PCDHA2: variants seen among roughly 807,000 people sequenced by gnomAD.
The protein encoded by PCDHA2 is protocadherin alpha 2, also known as protocadherin alpha-2.
Under a neutral mutation model 66.0 loss-of-function variants are expected in PCDHA2, and 58 were observed. The ratio of observed to expected loss-of-function variants is 0.88; its 90% confidence interval spans 0.71 to 1.09. The LOEUF is 1.09. Ranked by LOEUF, PCDHA2 falls within the 50% of genes least tolerant of loss-of-function variation. The pLI is 0.00. For synonymous variants in PCDHA2, 634 were observed against 554.0 expected, an observed-to-expected ratio of 1.14 and a Z score of -2.03; for missense variants, 1,267 against 1,242.3, an observed-to-expected ratio of 1.02 and a Z score of -0.30.
intron 1 of PCDHA2, among the ~76,000 whole-genome samples, chr5:140,949,545 T>G (rs1173643616): frequency 6.6e-6 from 1 of 151,906 alleles, no homozygotes; most frequent in Non-Finnish European, 1.5e-5. Flanking sequence ...ATCGATTTGT[T>G]GCTGGTCATA....
chr5:140,884,468 C>G, intron 1 of PCDHA2: 4 of 1,613,762 alleles, frequency 2.5e-6, no homozygotes, highest in Non-Finnish European at 3.4e-6. Context: ...CGCGTGCGCG[C>G]CGGGCAAGCC....
rs1031755500 is a variant in PCDHA2 at position 140,856,096 on chromosome 5, G to A, written c.2388+58744G>A. 31 of 1,597,342 alleles carry A rather than the reference G, an allele frequency of 1.9e-5. 3 individuals are homozygous for A. The Admixed American group carries it at 5.2e-4, about 27-fold the overall frequency. On this transcript the variant is annotated intron_variant, in intron 1 of 3. Transcript: ENST00000526136. ...TGGGGGTCCAGTGTCTGCTGCTCTCGCTTCTTCTCCTCGCAGCCTGGGAGG... is the reference window on the plus strand; with the variant it reads ...TGGGGGTCCAGTGTCTGCTGCTCTCACTTCTTCTCCTCGCAGCCTGGGAGG...
intron 1 of PCDHA2, among the ~76,000 whole-genome samples, chr5:140,838,075 A>AGTGTGTGTGTGTGTG (rs781914509): frequency 1.6e-5 from 2 of 128,136 alleles, no homozygotes; most frequent in South Asian, 5.3e-4. Context: ...TTATATATAT[A>AGTGTGTGTGTGTGTG]TAGTGTGTGT....
chr5:140,982,663 A>G (rs2096995052), intron 3 of PCDHA2, 100 bp downstream of exon 3: 5 of 1,473,648 alleles, frequency 3.4e-6, no homozygotes, highest in Admixed American at 2.6e-5. Context: ...TTTTTCTTTT[A>G]TATTTTTGTT....
At chr5:140,865,342 T>C (rs1437907469) in intron 1 of PCDHA2, 1 of 152,320 alleles carries the variant, frequency 6.6e-6, no homozygotes, top group African/African-American at 2.4e-5. Context: ...AAAGAAATAG[T>C]ATATTTACAT....
chr5:140,858,571 C>A lies in PCDHA2; in HGVS notation c.2388+61219C>A, dbSNP rs377514565. On this transcript the variant is annotated intron_variant, in intron 1 of 3. Transcript: ENST00000526136. ...TATGCTTGAATATTTCTAGTGATAC[C>A]TTTGTAATATAATTTATTCCAGGAG... 1.0e-4 allele frequency: 142 copies of A among 1,362,202 alleles called. 6 individuals carry two copies. The highest frequency in any genetic ancestry group is 1.4e-4 in the Non-Finnish European group (135 of 988,482). The allele number at this position is 1,362,202 out of a possible 1,614,324, so 84.4% of individuals were successfully genotyped here. A position where few individuals can be genotyped will look rare whatever the true frequency, so the allele number is the denominator to read the frequency against.
At chr5:140,976,007 A>G (rs546477565) in intron 1 of PCDHA2, among the ~76,000 whole-genome samples, 55 of 152,354 alleles carry the variant, frequency 3.6e-4, no homozygotes, top group African/African-American at 1.3e-3. Flanking sequence ...TAAGTATTAA[A>G]GAACTAAATA....
At chr5:140,802,697 G>C (rs782360183) in intron 1 of PCDHA2, 37 of 1,612,602 alleles carry the variant, frequency 2.3e-5, no homozygotes, top group Middle Eastern at 1.9e-4. Context: ...GGCGGGTGGG[G>C]GAGCGCGCGC....
rs2150336265 is a variant in PCDHA2, at chr5:140,842,444, A to C, written c.2388+45092A>C. 3.1e-6 allele frequency: 5 copies of C among 1,613,778 alleles called. No homozygotes were observed. The East Asian group carries it at 1.1e-4, about 36-fold the overall frequency. On this transcript the variant is annotated intron_variant, in intron 1 of 3. Transcript: ENST00000526136. ...TACTGTCATCGCCCTAATTAGCGTGAACGACCTCGATTCAGGTGCCAACGG... is the reference window on the plus strand; with the variant it reads ...TACTGTCATCGCCCTAATTAGCGTGCACGACCTCGATTCAGGTGCCAACGG...
intron 1 of PCDHA2, chr5:140,801,564 G>T (rs782579018): frequency 6.2e-7 from 1 of 1,614,270 alleles, no homozygotes. Context: ...GGAGGTGGAA[G>T]TGAAGGACAT....
chr5:141,010,368 C>T lies in PCDHA2; in HGVS notation c.*431C>T, dbSNP rs368481822. ...GGTATGTGTGGCTACCGCGGGTATG[C>T]GAGTGCCAGATATTGGCTGAGACGA... On this transcript the variant is annotated 3_prime_UTR_variant, in exon 4 of 4. Coordinates refer to ENST00000526136, the MANE Select transcript of PCDHA2 (RefSeq NM_018905.3). The T allele has an allele frequency of 8.2e-6, 12 of 1,470,936 alleles. No homozygotes were observed. The East Asian group carries it at 1.7e-4, about 21-fold the overall frequency. 91.1% of individuals were successfully genotyped at this position (1,470,936 alleles called of 1,614,324 possible). A position where few individuals can be genotyped will look rare whatever the true frequency, so the allele number is the denominator to read the frequency against.
chr5:140,871,145 C>G, intron 1 of PCDHA2: 1 of 1,613,418 alleles, frequency 6.2e-7, no homozygotes, highest in Non-Finnish European at 8.5e-7. Flanking sequence ...TCTTCCCGGA[C>G]TTTGGCGGGC....
In PCDHA2 at chr5:140,802,643, G is replaced by T. The variant is rs151289883; in HGVS notation, c.2388+5291G>T. ...TCTTCACGGTGTCTGCGCGGGACGC[G>T]GACGCGCAGGAGAACGCCCTGGTGT... On this transcript the variant is annotated intron_variant, in intron 1 of 3. Transcript: ENST00000526136. 640 of 1,613,628 alleles carry T rather than the reference G, an allele frequency of 4.0e-4. No individual in the cohort carries two copies. The highest frequency in any genetic ancestry group is 5.1e-4 in the Non-Finnish European group (598 of 1,179,888).
At chr5:140,927,524 C>T in intron 1 of PCDHA2, 3 of 1,614,104 alleles carry the variant, frequency 1.9e-6, no homozygotes, top group Non-Finnish European at 2.5e-6. Flanking sequence ...GGCGGGCTAC[C>T]TGCCCGCTCA....
chr5:140,855,277 C>T (rs1581364290), intron 1 of PCDHA2, among the ~76,000 whole-genome samples: 2 of 149,744 alleles, frequency 1.3e-5, no homozygotes, highest in Middle Eastern at 3.4e-3. Context: ...ACTCAACCAC[C>T]GTATTACTAT....
chr5:140,995,086 T>C (rs1182368049), intron 3 of PCDHA2, among the ~76,000 whole-genome samples: 2 of 152,246 alleles, frequency 1.3e-5, no homozygotes, highest in African/African-American at 4.8e-5. Context: ...TCCAAACTTA[T>C]CTGTGGAGAT....
Position 141,010,405 on chromosome 5 carries a change from C to G in PCDHA2, c.*468C>G. On this transcript the variant is annotated 3_prime_UTR_variant, in exon 4 of 4. Transcript: ENST00000526136. ...ATTGGCTGAGACGAGCCAGCTTAGA[C>G]TAATTGGTACAAGGAAGGCAAGAAA... 1 of 1,260,098 alleles carries G rather than the reference C, an allele frequency of 7.9e-7. No homozygotes were observed. Among genetic ancestry groups the G allele is most frequent in the South Asian group, 1.6e-5 (1 of 64,208 alleles). 78.1% of individuals were successfully genotyped at this position (1,260,098 alleles called of 1,614,324 possible). A position where few individuals can be genotyped will look rare whatever the true frequency, so the allele number is the denominator to read the frequency against.
At chr5:141,008,905 A>G (rs1212655574) in intron 3 of PCDHA2, among the ~76,000 whole-genome samples, 2 of 152,256 alleles carry the variant, frequency 1.3e-5, no homozygotes, top group African/African-American at 4.8e-5. Flanking sequence ...TAAAATTAAG[A>G]TCAAATAATT....
rs1437850359 is a variant in PCDHA2, at chr5:140,822,152, A to G, written c.2388+24800A>G. The G allele has an allele frequency of 1.7e-5, 27 of 1,614,268 alleles. 1 individual carries two copies. Among genetic ancestry groups the G allele is most frequent in the Admixed American group, 3.3e-5 (2 of 60,028 alleles). ...GTGGAGGTGGCAGTGAAGGACATCA[A>G]TGACAATCCGCCCAGGTTCTCCAGA... On this transcript the variant is annotated intron_variant, in intron 1 of 3. Coordinates refer to ENST00000526136, the MANE Select transcript of PCDHA2 (RefSeq NM_018905.3).
Sources: allele counts gnomAD v4.1 joint callset (sites outside exome capture counted in the v4.1 genomes callset), GRCh38; gene constraint gnomAD v4.1.1; transcripts MANE v1.5; gene names NCBI Gene and HGNC (gene_info 2026-07-23, HGNC 2026-07-21).